Variants in COL6A2 observed in about 807,000 individuals in gnomAD.
COL6A2 encodes the protein collagen type VI alpha 2 chain.
In COL6A2, 90 loss-of-function variants were observed where a neutral mutation model predicts 124.9. The observed-to-expected ratio is 0.72, with a 90% CI of 0.61 to 0.86. The LOEUF (loss-of-function observed/expected upper bound fraction) is 0.86. Ranked by LOEUF, COL6A2 falls within the 40% of genes least tolerant of loss-of-function variation. The pLI is 0.00. For missense variants in COL6A2, 1,607 were observed against 1,502.5 expected (o/e 1.07, Z -1.15); for synonymous variants, 793 against 618.2 (o/e 1.28, Z -4.19).
intron 1 of COL6A2, among the ~76,000 whole-genome samples, chr21:46,111,243 G>A (rs2078393950): frequency 6.6e-6 from 1 of 152,228 alleles, no homozygotes; most frequent in Non-Finnish European, 1.5e-5. Flanking sequence ...CTAAACATCT[G>A]TGACCCCACC....
intron 2 of COL6A2, 121 bp from the exon 3 acceptor site, chr21:46,111,858 C>G: frequency 9.4e-7 from 1 of 1,066,138 alleles, no homozygotes; most frequent in Non-Finnish European, 1.4e-6. Context: ...GGTTGGGGGC[C>G]GGGGGCTCTG....
intron 27 of COL6A2, chr21:46,129,424 T>C (rs772827771): frequency 3.2e-5 from 52 of 1,611,914 alleles, no homozygotes; most frequent in Non-Finnish European, 4.2e-5. Flanking sequence ...GAGCTGTTCA[T>C]TGACACCTTT....
chr21:46,129,045 C>T, intron 27 of COL6A2: 2 of 1,601,056 alleles, frequency 1.2e-6, no homozygotes, highest in Non-Finnish European at 1.7e-6. Context: ...CAAGGCCGAG[C>T]CACACACCCG....
rs764494370 is a variant in COL6A2 at position 46,116,624 on chromosome 21, C to T, written c.928-27C>T. The T allele has an allele frequency of 6.2e-7, 1 of 1,612,918 alleles. No individual in the cohort carries two copies. The highest frequency in any genetic ancestry group is 8.5e-7 in the Non-Finnish European group (1 of 1,180,008). The stretch of plus-strand genomic sequence containing the variant: ...CCATGATGCTTTGAGGCACCGAGCT[C>T]ACTGCGCCGGCTTTCCTCCTACACA... On this transcript the variant is annotated intron_variant, in intron 8 of 27. Transcript: ENST00000300527. The surrounding 1 kb of genome is among the most constrained non-coding windows in gnomAD (Gnocchi z 4.6).
chr21:46,100,063 T>C, intron 1 of COL6A2, among the ~76,000 whole-genome samples: 1 of 152,022 alleles, frequency 6.6e-6, no homozygotes, highest in Non-Finnish European at 1.5e-5. Context: ...ATGTTCCTAA[T>C]GGATGTTCGC....
At chr21:46,108,100 A>ATATATATATTT (rs1436065093) in intron 1 of COL6A2, among the ~76,000 whole-genome samples, 56 of 137,400 alleles carry the variant, frequency 4.1e-4, no homozygotes, top group African/African-American at 1.5e-3. Context: ...GTCTATATAT[A>ATATATATATTT]TATATATTTT....
chr21:46,122,560 C>T (rs1397980451), intron 20 of COL6A2, 29 bp downstream of exon 20: 4 of 1,611,894 alleles, frequency 2.5e-6, no homozygotes, highest in Non-Finnish European at 3.4e-6. Context: ...CACCTGTGCC[C>T]ACCCAGGGTG....
At chr21:46,125,160 C>G (rs2078641019) in intron 23 of COL6A2, 106 bp from the exon 24 acceptor site, 1 of 1,186,646 alleles carries the variant, frequency 8.4e-7, no homozygotes, top group South Asian at 1.3e-5. Flanking sequence ...GCATGGCTGC[C>G]TCCACACGTG....
chr21:46,129,922 T>C, intron 27 of COL6A2: 2 of 878,892 alleles, frequency 2.3e-6, no homozygotes, highest in Non-Finnish European at 2.8e-6. Context: ...GCGTCTGGGA[T>C]GGGGCTGAGG....
chr21:46,105,357 G>A (rs192942551), intron 1 of COL6A2, among the ~76,000 whole-genome samples: 95 of 152,282 alleles, frequency 6.2e-4, no homozygotes, highest in African/African-American at 2.3e-3. Context: ...CTGCACTCCA[G>A]CCTGGGCAAC....
rs755043572 is a variant in COL6A2 at position 46,122,199 on chromosome 21, G to T, written c.1572+41G>T. 5 of 1,606,594 alleles carry T rather than the reference G, an allele frequency of 3.1e-6. No homozygotes were observed. In the East Asian group the frequency reaches 1.1e-4, roughly 36 times the overall value. ...GGATGGCAGCTCCCAGGAGTGGGTGGACATTGTCCCAAGGGCCCTGAAGAT... is the reference window on the plus strand; with the variant it reads ...GGATGGCAGCTCCCAGGAGTGGGTGTACATTGTCCCAAGGGCCCTGAAGAT... On this transcript the variant is annotated intron_variant, in intron 19 of 27. Coordinates refer to ENST00000300527, the MANE Select transcript of COL6A2 (RefSeq NM_001849.4).
At chr21:46,113,948 C>A in intron 4 of COL6A2, 60 bp from the exon 5 acceptor site, 2 of 1,408,842 alleles carry the variant, frequency 1.4e-6, no homozygotes, top group Non-Finnish European at 2.0e-6. Flanking sequence ...TGAGACCCTG[C>A]CCTGCCACCT....
intron 1 of COL6A2, among the ~76,000 whole-genome samples, chr21:46,110,369 T>C (rs2078382126): frequency 6.6e-6 from 1 of 152,156 alleles, no homozygotes; most frequent in Admixed American, 6.5e-5. Context: ...TGGTCACAGG[T>C]TATGCAACAT....
In COL6A2 at chr21:46,132,537, C is replaced by G; in HGVS notation, c.3045C>G (p.Ile1015Met). The change falls in exon 28 of 28, where the codon ATC becomes ATG. Residue 1015 changes from isoleucine to methionine, a missense_variant. This residue lies in a region of COL6A2 where 1,223 missense variants were observed against 1,052.2 expected (regional missense o/e 1.16). Transcript: ENST00000300527. Reference protein sequence around the residue: ...LAQPGFFDRFIRWIC With the variant: ...LAQPGFFDRFMRWIC Reference sequence around the variant, plus strand: ...AACCCGGCTTCTTCGACCGCTTCATCCGCTGGATCTGCTAGCGCCGCCGCC... The same window carrying G: ...AACCCGGCTTCTTCGACCGCTTCATGCGCTGGATCTGCTAGCGCCGCCGCC... 3 of 1,604,610 alleles carry G rather than the reference C, an allele frequency of 1.9e-6. No homozygotes were observed. The highest frequency in any genetic ancestry group is 2.5e-6 in the Non-Finnish European group (3 of 1,179,108).
rs2078779947 is a variant in COL6A2 at position 46,132,709 on chromosome 21, G to GCCCCCGC, written c.*160_*166dup. 2 of 750,330 alleles carry GCCCCCGC rather than the reference G, an allele frequency of 2.7e-6. No individual in the cohort carries two copies. Among genetic ancestry groups the GCCCCCGC allele is most frequent in the Non-Finnish European group, 4.3e-6 (2 of 460,962 alleles). The allele number at this position is 750,330 out of a possible 1,614,324, so 46.5% of individuals were successfully genotyped here. ...CTCCCACGGGGTCCCCGTAGCCCCG[G>GCCCCCGC]CCCCCGCCCAGCCCCAGGTCTCCCC... On this transcript the variant is annotated 3_prime_UTR_variant, in exon 28 of 28. Coordinates refer to ENST00000300527, the MANE Select transcript of COL6A2 (RefSeq NM_001849.4).
chr21:46,100,091 T>G (rs1314561763), intron 1 of COL6A2, among the ~76,000 whole-genome samples: 1 of 151,620 alleles, frequency 6.6e-6, no homozygotes, highest in Non-Finnish European at 1.5e-5. Flanking sequence ...GTTTTTTTGG[T>G]TTTTTGTTTG....
At chr21:46,127,645 C>T (rs548415625) in intron 27 of COL6A2, among the ~76,000 whole-genome samples, 6 of 152,284 alleles carry the variant, frequency 3.9e-5, no homozygotes, top group African/African-American at 1.4e-4. Context: ...CCCACCCCCT[C>T]GTTCCTGATG....
At chr21:46,126,646 G>T (rs1601253040) in intron 27 of COL6A2, 105 bp downstream of exon 27, 6 of 1,383,870 alleles carry the variant, frequency 4.3e-6, no homozygotes, top group East Asian at 2.4e-5. Context: ...GGGACCCGGG[G>T]GGCGGCGGAG....
At position 46,132,570 on chromosome 21, in the gene COL6A2, C is replaced by T. The variant is rs563110192; in HGVS notation, c.*18C>T. On this transcript the variant is annotated 3_prime_UTR_variant, in exon 28 of 28. Coordinates refer to ENST00000300527, the MANE Select transcript of COL6A2 (RefSeq NM_001849.4). ...TCTGCTAGCGCCGCCGCCCGGGCCC[C>T]GCAGTCGAGGGTCGTGAGCCCACCC... 6.1e-5 allele frequency: 96 copies of T among 1,576,638 alleles called. No individual in the cohort carries two copies. Among genetic ancestry groups the T allele is most frequent in the South Asian group, 4.9e-4 (43 of 88,012 alleles).
Sources: allele counts gnomAD v4.1 joint callset (sites outside exome capture counted in the v4.1 genomes callset), GRCh38; gene constraint gnomAD v4.1.1; regional missense constraint gnomAD v4.1.1; non-coding constraint Gnocchi (gnomAD v3.1); transcripts MANE v1.5; gene names NCBI Gene and HGNC (gene_info 2026-07-23, HGNC 2026-07-21).